The following RSRC1 variants were observed in gnomAD, a reference collection of about 807,000 sequenced individuals.
RSRC1 encodes arginine and serine rich coiled-coil 1.
In RSRC1, 39 loss-of-function variants were observed where a neutral mutation model predicts 49.1. The ratio of observed to expected loss-of-function variants is 0.79; its 90% CI spans 0.61 to 1.04. The LOEUF is 1.04. RSRC1 is among the 50% of genes least tolerant of loss of function. RSRC1 has a pLI of 0.00. For synonymous variants in RSRC1, 143 were observed against 130.8 expected, an observed-to-expected ratio of 1.09 and a Z score of -0.63; for missense variants, 388 against 402.4, an observed-to-expected ratio of 0.96 and a Z score of 0.31.
intron 4 of RSRC1, among the ~76,000 whole-genome samples, chr3:158,256,089 C>T (rs1246597875): frequency 6.6e-6 from 1 of 152,144 alleles, no homozygotes; most frequent in Non-Finnish European, 1.5e-5. Flanking sequence ...CCAGAACCTC[C>T]AACACTGTGT....
At chr3:158,230,096 C>T (rs1481615314) in intron 4 of RSRC1, among the ~76,000 whole-genome samples, 1 of 151,934 alleles carries the variant, frequency 6.6e-6, no homozygotes, top group African/African-American at 2.4e-5. Flanking sequence ...AGAGCAGTAT[C>T]TCAGTTTTTA....
At chr3:158,118,070 C>A (rs1213725410) in intron 1 of RSRC1, among the ~76,000 whole-genome samples, 1 of 152,082 alleles carries the variant, frequency 6.6e-6, no homozygotes, top group Non-Finnish European at 1.5e-5. Context: ...CTGCCTCAGT[C>A]TCCTGAGTAG....
chr3:158,503,758 T>C (rs1739722171), intron 7 of RSRC1, among the ~76,000 whole-genome samples: 1 of 152,024 alleles, frequency 6.6e-6, no homozygotes, highest in South Asian at 2.1e-4. Flanking sequence ...GCCCTGAGTC[T>C]GTTTCCAGGT....
At chr3:158,164,752 A>C (rs950715817) in intron 3 of RSRC1, among the ~76,000 whole-genome samples, 2 of 152,120 alleles carry the variant, frequency 1.3e-5, no homozygotes, top group African/African-American at 4.8e-5. Context: ...ATTTAAATGC[A>C]TTTGTTTTAA....
intron 6 of RSRC1, among the ~76,000 whole-genome samples, chr3:158,368,444 G>C (rs919100272): frequency 6.6e-6 from 1 of 152,196 alleles, no homozygotes; most frequent in Non-Finnish European, 1.5e-5. Context: ...ACGTTTATGG[G>C]TCACTTCCTA....
At chr3:158,145,537 T>C (rs1053277736) in intron 3 of RSRC1, among the ~76,000 whole-genome samples, 1 of 152,216 alleles carries the variant, frequency 6.6e-6, no homozygotes, top group African/African-American at 2.4e-5. Flanking sequence ...TACTGTAACC[T>C]TGTAGTATAG....
At chr3:158,242,032 C>CTTTTTTTTTTTTTTT (rs34356543) in intron 4 of RSRC1, among the ~76,000 whole-genome samples, 2 of 66,618 alleles carry the variant, frequency 3.0e-5, no homozygotes, top group Admixed American at 2.4e-4. Flanking sequence ...AATTTCCAAC[C>CTTTTTTTTTTTTTTT]TTTTTTTTTT....
At chr3:158,520,105 C>G (rs1301727038) in intron 7 of RSRC1, among the ~76,000 whole-genome samples, 1 of 152,054 alleles carries the variant, frequency 6.6e-6, no homozygotes, top group Non-Finnish European at 1.5e-5. Context: ...CAAGGACAGT[C>G]AAAGGTAGTT....
At chr3:158,159,866 A>G (rs976800649) in intron 3 of RSRC1, among the ~76,000 whole-genome samples, 1 of 152,120 alleles carries the variant, frequency 6.6e-6, no homozygotes, top group African/African-American at 2.4e-5. Flanking sequence ...TTTGTGCCCA[A>G]GCATTTAAAA....
chr3:158,182,326 T>C (rs1269561802), intron 3 of RSRC1, among the ~76,000 whole-genome samples: 1 of 152,166 alleles, frequency 6.6e-6, no homozygotes, highest in Non-Finnish European at 1.5e-5. Flanking sequence ...GTGAAACATG[T>C]AAGTGACATT....
intron 5 of RSRC1, among the ~76,000 whole-genome samples, chr3:158,304,080 A>G (rs1727715423): frequency 6.6e-6 from 1 of 152,142 alleles, no homozygotes; most frequent in African/African-American, 2.4e-5. Context: ...TATGTTTCTT[A>G]TATTGTATAA....
At chr3:158,300,662 A>T (rs981640557) in intron 5 of RSRC1, among the ~76,000 whole-genome samples, 7 of 152,168 alleles carry the variant, frequency 4.6e-5, no homozygotes, top group African/African-American at 1.7e-4. Flanking sequence ...GATCAGTGTT[A>T]AAAAATATAT....
chr3:158,282,986 C>T (rs986596316), intron 4 of RSRC1, among the ~76,000 whole-genome samples: 1 of 152,088 alleles, frequency 6.6e-6, no homozygotes, highest in African/African-American at 2.4e-5. Context: ...AAGAGTTCAC[C>T]ATTTCTGTTT....
chr3:158,230,169 C>G (rs1456953920), intron 4 of RSRC1, among the ~76,000 whole-genome samples: 2 of 151,966 alleles, frequency 1.3e-5, no homozygotes, highest in African/African-American at 4.8e-5. Flanking sequence ...CTGTGTGCCT[C>G]AATTTGGGTT....
intron 6 of RSRC1, among the ~76,000 whole-genome samples, chr3:158,371,232 T>C (rs1283696750): frequency 6.6e-6 from 1 of 151,926 alleles, no homozygotes; most frequent in Non-Finnish European, 1.5e-5. Context: ...TTCTTAACAA[T>C]GTTTTTTAAA....
intron 6 of RSRC1, among the ~76,000 whole-genome samples, chr3:158,402,198 C>G (rs1456541174): frequency 6.6e-6 from 1 of 151,910 alleles, no homozygotes; most frequent in Non-Finnish European, 1.5e-5. Context: ...ATGCCGCCCT[C>G]AGAGTTTGAC....
chr3:158,445,463 T>A (rs997635319), intron 6 of RSRC1, among the ~76,000 whole-genome samples: 1 of 152,084 alleles, frequency 6.6e-6, no homozygotes, highest in South Asian at 2.1e-4. Context: ...ATGAGAACAC[T>A]TGTTCACAGG....
rs149957885 is a variant in RSRC1 at position 158,296,442 on chromosome 3, T to A, written c.495-1597T>A. On this transcript the variant is annotated intron_variant, in intron 4 of 9. Coordinates refer to ENST00000611884, the MANE Select transcript of RSRC1 (RefSeq NM_001271838.2). ...CTTAATTTTATTTTGTGTGTGTGTGTGTGTGTGCATGCATGTGCACACATA... is the reference window on the plus strand; with the variant it reads ...CTTAATTTTATTTTGTGTGTGTGTGAGTGTGTGCATGCATGTGCACACATA... Among the ~76,000 whole-genome samples, 31 of 152,096 alleles carry A rather than the reference T, an allele frequency of 2.0e-4. No individual in the cohort carries two copies. The East Asian group carries it at 4.3e-3, about 21-fold the overall frequency.
At chr3:158,472,892 G>C (rs1738198710) in intron 7 of RSRC1, among the ~76,000 whole-genome samples, 2 of 152,050 alleles carry the variant, frequency 1.3e-5, no homozygotes, top group Non-Finnish European at 2.9e-5. Flanking sequence ...ATTGCTTTTG[G>C]TGTTTTAGAC....
Sources: allele counts gnomAD v4.1 joint callset (sites outside exome capture counted in the v4.1 genomes callset), GRCh38; gene constraint gnomAD v4.1.1; transcripts MANE v1.5; gene names NCBI Gene and HGNC (gene_info 2026-07-23, HGNC 2026-07-21).